Variants in CUL4A observed in about 807,000 individuals in gnomAD.
CUL4A encodes the protein cullin 4A.
Under a neutral mutation model 95.5 loss-of-function variants are expected in CUL4A, and 16 were observed. That is an observed-to-expected ratio of 0.17 (90% CI 0.11 to 0.25). The LOEUF (loss-of-function observed/expected upper bound fraction) is 0.25. Ranked by LOEUF, CUL4A falls within the 10% of genes least tolerant of loss-of-function variation. The probability of loss-of-function intolerance (pLI) is 1.00; values close to 1 mark genes in which losing one functional copy is unlikely to be tolerated. For synonymous variants in CUL4A, 380 were observed against 353.1 expected (o/e 1.08, Z -0.85); for missense variants, 610 against 937.0 (o/e 0.65, Z 4.56).
chr13:113,256,914 T>C (rs749045010), intron 18 of CUL4A, among the ~76,000 whole-genome samples: 9 of 85,694 alleles, frequency 1.1e-4, no homozygotes, highest in Non-Finnish European at 2.4e-4. Flanking sequence ...GCTTTGTCCC[T>C]TTTTTTTTTT....
At chr13:113,208,781 C>A (rs893151478), upstream of CUL4A, 28 of 1,421,510 alleles carry the variant, frequency 2.0e-5, no homozygotes, top group African/African-American at 3.9e-4. Flanking sequence ...ACCTGGGGAC[C>A]GGCTCGGCGA....
At chr13:113,235,183 C>T (rs1263140031) in intron 8 of CUL4A, 38 bp downstream of exon 8, 1 of 1,431,108 alleles carries the variant, frequency 7.0e-7, no homozygotes, top group Non-Finnish European at 9.8e-7. Context: ...CGTATCTTCA[C>T]CATGGCTGGA....
At chr13:113,260,211 A>AAAAAACAAAAAAAAAAAAAAAC (rs1555307262) in intron 18 of CUL4A, among the ~76,000 whole-genome samples, 1 of 119,508 alleles carries the variant, frequency 8.4e-6, no homozygotes, top group African/African-American at 3.6e-5. Context: ...CTCAAAAAAA[A>AAAAAACAAAAAAAAAAAAAAAC]AAAAAAAACC....
chr13:113,211,423 G>C (rs1335092336), intron 2 of CUL4A, among the ~76,000 whole-genome samples: 2 of 152,142 alleles, frequency 1.3e-5, no homozygotes, highest in Non-Finnish European at 2.9e-5. Flanking sequence ...TCACTCTTGT[G>C]GCCCAGGCTG....
intron 11 of CUL4A, 83 bp downstream of exon 11, chr13:113,243,243 TA>T (rs1432660919): frequency 5.3e-5 from 72 of 1,363,426 alleles, no homozygotes; most frequent in Non-Finnish European, 6.4e-5. Context: ...TATGGGAAAA[TA>T]AGGCAAAATC....
chr13:113,225,769 C>A (rs2041080843), intron 3 of CUL4A, among the ~76,000 whole-genome samples: 1 of 152,192 alleles, frequency 6.6e-6, no homozygotes, highest in South Asian at 2.1e-4. Flanking sequence ...TGAAGCCTGT[C>A]CAGATGCACT....
At chr13:113,226,509 G>C (rs1163488945) in intron 3 of CUL4A, among the ~76,000 whole-genome samples, 1 of 152,222 alleles carries the variant, frequency 6.6e-6, no homozygotes, top group Non-Finnish European at 1.5e-5. Context: ...TATTGTCATT[G>C]ATGATTCTCA....
At chr13:113,209,856 C>T (rs1446156998) in intron 1 of CUL4A, 81 bp downstream of exon 1, 3 of 1,173,448 alleles carry the variant, frequency 2.6e-6, no homozygotes, top group African/African-American at 3.3e-5. Flanking sequence ...GGGGAAGGCC[C>T]CGAGATCCGT....
chr13:113,209,011 GC>G, upstream of CUL4A: 1 of 794,744 alleles, frequency 1.3e-6, no homozygotes, highest in Non-Finnish European at 1.5e-6. Context: ...GCCTGGCTGG[GC>G]CAGGGCCTCG....
In CUL4A at chr13:113,232,670, CCTT is replaced by C. The variant is rs572878462; in HGVS notation, c.513-504_513-502del. Among the ~76,000 whole-genome samples the C allele has an allele frequency of 3.3e-3, 501 of 152,304 alleles. 3 individuals carry two copies. The highest frequency in any genetic ancestry group is 0.011 in the African/African-American group (469 of 41,556). On this transcript the variant is annotated intron_variant, in intron 5 of 19. Transcript: ENST00000375440. ...GATGAACTCTGAAAGCTGTGCATCACCTTCTCTTCTCAGGGGAAAGCAGCAAAC... is the reference window on the plus strand; with the variant it reads ...GATGAACTCTGAAAGCTGTGCATCACCTCTTCTCAGGGGAAAGCAGCAAAC...
At chr13:113,235,896 G>C (rs370405954) in intron 8 of CUL4A, among the ~76,000 whole-genome samples, 3 of 151,884 alleles carry the variant, frequency 2.0e-5, no homozygotes, top group African/African-American at 7.3e-5. Context: ...GCATGAGCCC[G>C]GGAGGCAGAG....
intron 18 of CUL4A, among the ~76,000 whole-genome samples, chr13:113,260,219 A>AAAAAAAAACAAAAAAAAAAAC (rs2042239938): frequency 8.3e-6 from 1 of 120,954 alleles, no homozygotes; most frequent in Non-Finnish European, 1.6e-5. Context: ...AAAAAAAAAA[A>AAAAAAAAACAAAAAAAAAAAC]CCATTTCCCA....
At chr13:113,235,206 C>A in intron 8 of CUL4A, 61 bp downstream of exon 8, 2 of 1,180,522 alleles carry the variant, frequency 1.7e-6, no homozygotes, top group South Asian at 1.3e-5. Flanking sequence ...GTTCTCCTGG[C>A]TGGTTATTGA....
intron 19 of CUL4A, among the ~76,000 whole-genome samples, chr13:113,261,350 G>A (rs2042270086): frequency 6.6e-6 from 1 of 152,188 alleles, no homozygotes; most frequent in Admixed American, 6.5e-5. Context: ...TCAGGGACAG[G>A]ACCGGCCACA....
intron 3 of CUL4A, among the ~76,000 whole-genome samples, chr13:113,222,014 G>A (rs1432271508): frequency 6.6e-6 from 1 of 152,238 alleles, no homozygotes; most frequent in Admixed American, 6.5e-5. Context: ...GAAGTGGCAG[G>A]CGCTGTGGGA....
chr13:113,258,440 A>G (rs2042189012), intron 18 of CUL4A, among the ~76,000 whole-genome samples: 1 of 152,212 alleles, frequency 6.6e-6, no homozygotes, highest in African/African-American at 2.4e-5. Context: ...TATCTTTATC[A>G]TATTAAATCT....
At chr13:113,254,629 C>A in intron 16 of CUL4A, 64 bp from the exon 17 acceptor site, 1 of 1,145,278 alleles carries the variant, frequency 8.7e-7, no homozygotes, top group Non-Finnish European at 1.2e-6. Flanking sequence ...AAAGAAGCTT[C>A]TTTTAATTTT....
chr13:113,233,490 C>T (rs2041431824), intron 6 of CUL4A, 151 bp downstream of exon 6: 1 of 708,078 alleles, frequency 1.4e-6, no homozygotes, highest in African/African-American at 1.8e-5. Flanking sequence ...GGGAATAGCG[C>T]TCAAGCTAAC....
chr13:113,252,208 G>A (rs1356089232), intron 15 of CUL4A, among the ~76,000 whole-genome samples: 1 of 152,190 alleles, frequency 6.6e-6, no homozygotes, highest in East Asian at 1.9e-4. Flanking sequence ...TGAAAATGCA[G>A]CAACCACAAT....
Sources: allele counts gnomAD v4.1 joint callset (sites outside exome capture counted in the v4.1 genomes callset), GRCh38; gene constraint gnomAD v4.1.1; transcripts MANE v1.5; gene names NCBI Gene and HGNC (gene_info 2026-07-23, HGNC 2026-07-21).